Variants in DENND1A observed in about 807,000 individuals in gnomAD.
DENND1A encodes the protein DENN domain-containing protein 1A.
In DENND1A, 51 loss-of-function variants were observed where a neutral mutation model predicts 113.7. The ratio of observed to expected loss-of-function variants is 0.45; its 90% CI spans 0.36 to 0.57. DENND1A has a LOEUF of 0.57. Ranked by LOEUF, DENND1A falls within the 20% of genes least tolerant of loss-of-function variation. The pLI, the probability that DENND1A is intolerant of heterozygous loss-of-function variation, is 0.00. For missense variants in DENND1A, 1,258 were observed against 1,395.9 expected (o/e 0.90, Z 1.57); for synonymous variants, 565 against 570.8 (o/e 0.99, Z 0.14).
chr9:123,690,117 A>T (rs76474976), intron 5 of DENND1A, among the ~76,000 whole-genome samples: 2 of 57,944 alleles, frequency 3.5e-5, no homozygotes, highest in Non-Finnish European at 6.1e-5. Context: ...AGGAAGAAAA[A>T]GGAGGGAGGG....
At chr9:123,920,843 G>C (rs1018030896) in intron 1 of DENND1A, among the ~76,000 whole-genome samples, 1 of 151,930 alleles carries the variant, frequency 6.6e-6, no homozygotes, top group Non-Finnish European at 1.5e-5. Flanking sequence ...AAAGTGATGA[G>C]ATTACAGGTG....
chr9:123,387,285 C>T (rs1310158725), intron 22 of DENND1A, among the ~76,000 whole-genome samples: 1 of 152,220 alleles, frequency 6.6e-6, no homozygotes, highest in East Asian at 1.9e-4. Context: ...CAGATCAGAA[C>T]ACTTGGATAG....
intron 19 of DENND1A, among the ~76,000 whole-genome samples, chr9:123,428,708 AG>A (rs1474044198): frequency 6.6e-6 from 1 of 152,268 alleles, no homozygotes; most frequent in Non-Finnish European, 1.5e-5. Flanking sequence ...GCAAAGTCTC[AG>A]GATACAAAAT....
intron 13 of DENND1A, among the ~76,000 whole-genome samples, chr9:123,525,630 A>G (rs2054769235): frequency 6.6e-6 from 1 of 151,910 alleles, no homozygotes; most frequent in African/African-American, 2.4e-5. Flanking sequence ...ATAAGAACAC[A>G]CTCCAAACAC....
intron 5 of DENND1A, among the ~76,000 whole-genome samples, chr9:123,701,707 T>C (rs2065895658): frequency 2.0e-5 from 3 of 152,232 alleles, no homozygotes; most frequent in African/African-American, 7.2e-5. Context: ...TATATCCCAG[T>C]GCTGTACCAG....
chr9:123,845,722 G>A (rs1046206982), intron 2 of DENND1A, among the ~76,000 whole-genome samples: 3 of 115,154 alleles, frequency 2.6e-5, no homozygotes, highest in African/African-American at 1.0e-4. Flanking sequence ...ATGGATTATA[G>A]ACCCAAATGT....
chr9:123,738,453 G>GTGTGTA (rs1295683403), intron 5 of DENND1A, among the ~76,000 whole-genome samples: 2 of 149,802 alleles, frequency 1.3e-5, no homozygotes, highest in Non-Finnish European at 3.0e-5. Flanking sequence ...CTGTGTGTGT[G>GTGTGTA]TGTGTGTGTG....
intron 18 of DENND1A, among the ~76,000 whole-genome samples, chr9:123,450,447 C>T (rs543542280): frequency 4.6e-5 from 7 of 152,262 alleles, no homozygotes; most frequent in South Asian, 2.1e-4. Context: ...AGGGACAGCC[C>T]GACAGTGGCA....
At chr9:123,446,744 G>A (rs2047335382) in intron 18 of DENND1A, among the ~76,000 whole-genome samples, 1 of 152,142 alleles carries the variant, frequency 6.6e-6, no homozygotes, top group South Asian at 2.1e-4. Flanking sequence ...TTGAGCCTGG[G>A]AAGTCAAGGC....
At chr9:123,713,946 T>TA (rs747020529) in intron 5 of DENND1A, among the ~76,000 whole-genome samples, 262 of 151,670 alleles carry the variant, frequency 1.7e-3, no homozygotes, top group African/African-American at 2.2e-3. Context: ...AGAGAAGAGT[T>TA]AAAAAAAAAT....
intron 5 of DENND1A, among the ~76,000 whole-genome samples, chr9:123,715,226 C>T (rs1264820393): frequency 6.6e-6 from 1 of 152,022 alleles, no homozygotes; most frequent in African/African-American, 2.4e-5. Flanking sequence ...TTGTTTACAA[C>T]TTAACTTTTC....
At chr9:123,658,212 A>G (rs1336034674) in intron 8 of DENND1A, among the ~76,000 whole-genome samples, 1 of 152,174 alleles carries the variant, frequency 6.6e-6, no homozygotes, top group Non-Finnish European at 1.5e-5. Flanking sequence ...CACCAACGAG[A>G]TAATTAAGAC....
At chr9:123,433,662 CTTTTTTT>C (rs1036046686) in intron 19 of DENND1A, among the ~76,000 whole-genome samples, 9 of 151,560 alleles carry the variant, frequency 5.9e-5, no homozygotes, top group African/African-American at 2.2e-4. Flanking sequence ...TTTCTTTTTT[CTTTTTTT>C]TAAAAAAACA....
chr9:123,863,759 G>A (rs1391070676), intron 2 of DENND1A, among the ~76,000 whole-genome samples: 1 of 152,116 alleles, frequency 6.6e-6, no homozygotes, highest in Non-Finnish European at 1.5e-5. Flanking sequence ...TACAAAAGCA[G>A]GCTAAAATAT....
At chr9:123,874,438 G>T (rs186308185) in intron 2 of DENND1A, among the ~76,000 whole-genome samples, 1 of 152,164 alleles carries the variant, frequency 6.6e-6, no homozygotes, top group African/African-American at 2.4e-5. Context: ...TGAGCAAGTA[G>T]CCTGAATGAG....
intron 1 of DENND1A, among the ~76,000 whole-genome samples, chr9:123,914,313 T>G (rs910974033): frequency 7.3e-5 from 11 of 151,646 alleles, no homozygotes; most frequent in Non-Finnish European, 1.0e-4. Context: ...CCGAGGTGGG[T>G]GGATCACGAG....
intron 5 of DENND1A, among the ~76,000 whole-genome samples, chr9:123,719,791 G>T (rs1205163376): frequency 6.6e-6 from 1 of 152,100 alleles, no homozygotes; most frequent in Non-Finnish European, 1.5e-5. Context: ...ATCATTTTGT[G>T]CAAGAAACAA....
intron 5 of DENND1A, among the ~76,000 whole-genome samples, chr9:123,741,589 C>T (rs1157365902): frequency 6.6e-6 from 1 of 152,166 alleles, no homozygotes; most frequent in African/African-American, 2.4e-5. Context: ...AAGGCCCTTC[C>T]TTAGGGTTCT....
intron 12 of DENND1A, among the ~76,000 whole-genome samples, chr9:123,582,590 T>A (rs557814910): frequency 1.3e-5 from 2 of 151,886 alleles, no homozygotes; most frequent in African/African-American, 4.8e-5. Context: ...TAGTAGAGAC[T>A]GTGTTTCACC....
Sources: allele counts gnomAD v4.1 joint callset (sites outside exome capture counted in the v4.1 genomes callset), GRCh38; gene constraint gnomAD v4.1.1; transcripts MANE v1.5; gene names NCBI Gene and HGNC (gene_info 2026-07-23, HGNC 2026-07-21).